The following TNS3 variants were observed in gnomAD, a reference collection of about 807,000 sequenced individuals.
TNS3 encodes the protein tensin 3.
In TNS3, 45 loss-of-function variants were observed where a neutral mutation model predicts 140.9. The ratio of observed to expected loss-of-function variants is 0.32; its 90% CI spans 0.25 to 0.41. TNS3 has a LOEUF of 0.41. TNS3 is among the 10% of genes least tolerant of loss of function. The pLI is 1.00. For synonymous variants in TNS3, 815 were observed against 788.4 expected, an observed-to-expected ratio of 1.03 and a Z score of -0.56; for missense variants, 1,716 against 1,906.7, an observed-to-expected ratio of 0.90 and a Z score of 1.86.
Position 47,340,585 on chromosome 7 carries a change from C to CTTTTTTTTTTTTCT in TNS3, c.2650+4169_2650+4170insAGAAAAAAAAAAAA, listed in dbSNP as rs1554297322. ...TGTTCCCTGGGATTTTCTTTTTTTT[C>CTTTTTTTTTTTTCT]TTTTTTTTTTTTTTGAGACAGAGTC... On this transcript the variant is annotated intron_variant, in intron 20 of 30. Transcript: ENST00000311160. Among the ~76,000 whole-genome samples the CTTTTTTTTTTTTCT allele has an allele frequency of 5.8e-3, 783 of 134,822 alleles. 24 individuals are homozygous for CTTTTTTTTTTTTCT. The highest frequency in any genetic ancestry group is 9.2e-3 in the Non-Finnish European group (571 of 62,382). 88.4% of individuals were successfully genotyped at this position (134,822 alleles called of 152,430 possible).
intron 3 of TNS3, among the ~76,000 whole-genome samples, chr7:47,487,001 G>A (rs1383587728): frequency 1.3e-5 from 2 of 152,120 alleles, no homozygotes; most frequent in Non-Finnish European, 2.9e-5. Context: ...GAAACATGAA[G>A]TAAGGACTGA....
In TNS3 at chr7:47,433,325, T is replaced by C. The variant is rs148496258; in HGVS notation, c.324+1957A>G. Among the ~76,000 whole-genome samples, 1,202 of 152,326 alleles carry C rather than the reference T, an allele frequency of 7.9e-3. 12 individuals are homozygous for C. Among genetic ancestry groups the C allele is most frequent in the South Asian group, 0.042 (201 of 4,822 alleles). The stretch of plus-strand genomic sequence containing the variant: ...ATTTCAAATTAAAAGAGGGCTTATC[T>C]CTCAGGGCACAATTTCTAAGCGTTT... On this transcript the variant is annotated intron_variant, in intron 8 of 30. Coordinates refer to ENST00000311160, the MANE Select transcript of TNS3 (RefSeq NM_022748.12).
chr7:47,454,284 C>A (rs1021298799), intron 4 of TNS3, among the ~76,000 whole-genome samples: 1 of 152,212 alleles, frequency 6.6e-6, no homozygotes, highest in South Asian at 2.1e-4. Flanking sequence ...ACCTGCCCAC[C>A]ATTTGGCAGG....
chr7:47,303,765 T>C (rs960666411), intron 21 of TNS3, among the ~76,000 whole-genome samples, 181 bp from the exon 22 acceptor site: 2 of 152,222 alleles, frequency 1.3e-5, no homozygotes, highest in Non-Finnish European at 2.9e-5. Flanking sequence ...TCACGCTGCC[T>C]GCCTTTCAAG....
In TNS3 at chr7:47,359,689, A is replaced by G. The variant is rs568169497; in HGVS notation, c.2281+8676T>C. ...CTTTATTGTGAATTACTTTCTTTTT[A>G]TTTTTCCTTTGACATGAGTGTTAGG... On this transcript the variant is annotated intron_variant, in intron 17 of 30. Coordinates refer to ENST00000311160, the MANE Select transcript of TNS3 (RefSeq NM_022748.12). Among the ~76,000 whole-genome samples the G allele has an allele frequency of 1.1e-4, 17 of 151,976 alleles. No homozygotes were observed. The South Asian group carries it at 3.1e-3, about 28-fold the overall frequency.
chr7:47,428,423 A>G, intron 8 of TNS3, 47 bp from the exon 9 acceptor site: 1 of 1,331,918 alleles, frequency 7.5e-7, no homozygotes. Flanking sequence ...ATCCCACAGC[A>G]GAGATGTAAT....
In TNS3 at chr7:47,546,360, T is replaced by C. The variant is rs180708441; in HGVS notation, c.-264-17213A>G. On this transcript the variant is annotated intron_variant, in intron 1 of 30. Transcript: ENST00000311160. The stretch of plus-strand genomic sequence containing the variant: ...CACAGCAGCACTGCTGTTCCGGAGC[T>C]GGACTGAGCTCCCAGGACCTGCCGT... 5.1e-3 allele frequency among the ~76,000 whole-genome samples: 775 copies of C among 152,282 alleles called. 6 individuals are homozygous for C. The highest frequency in any genetic ancestry group is 0.018 in the African/African-American group (735 of 41,554).
chr7:47,501,349 C>A (rs557211773), intron 3 of TNS3, among the ~76,000 whole-genome samples: 1 of 152,146 alleles, frequency 6.6e-6, no homozygotes, highest in Admixed American at 6.5e-5. Context: ...GCTGACACCC[C>A]AACCTTAAAA....
chr7:47,579,903 G>C, intron 1 of TNS3: 1 of 963,984 alleles, frequency 1.0e-6, no homozygotes, highest in Non-Finnish European at 1.2e-6. Flanking sequence ...CTCCTGCAGT[G>C]GAAGAGCATA....
intron 20 of TNS3, among the ~76,000 whole-genome samples, chr7:47,326,076 T>C (rs960295522): frequency 2.0e-5 from 3 of 152,186 alleles, no homozygotes; most frequent in Admixed American, 6.5e-5. Context: ...AGCTTTTAAA[T>C]CACACAGCTC....
intron 30 of TNS3, 153 bp downstream of exon 30, chr7:47,280,011 T>A: frequency 1.1e-6 from 1 of 879,978 alleles, no homozygotes. Flanking sequence ...TTGTCCATAA[T>A]GAGAACACTT....
At chr7:47,449,700 C>T (rs537933239) in intron 4 of TNS3, among the ~76,000 whole-genome samples, 11 of 152,224 alleles carry the variant, frequency 7.2e-5, no homozygotes, top group East Asian at 1.9e-4. Flanking sequence ...CTCCATCTGC[C>T]GGGTTCAAGT....
At chr7:47,544,137 C>G (rs1466187822) in intron 1 of TNS3, among the ~76,000 whole-genome samples, 1 of 152,120 alleles carries the variant, frequency 6.6e-6, no homozygotes, top group African/African-American at 2.4e-5. Flanking sequence ...TCTCCCCAGC[C>G]CCCTCCAGCT....
At chr7:47,287,319 T>TA (rs1477636679) in intron 27 of TNS3, among the ~76,000 whole-genome samples, 3 of 152,142 alleles carry the variant, frequency 2.0e-5, no homozygotes, top group Non-Finnish European at 4.4e-5. Context: ...CCTTAATATT[T>TA]AAAAAAAGGG....
At chr7:47,280,853 C>T (rs1210044439) in intron 28 of TNS3, among the ~76,000 whole-genome samples, 1 of 151,808 alleles carries the variant, frequency 6.6e-6, no homozygotes, top group African/African-American at 2.4e-5. Flanking sequence ...GCAGAGGTTG[C>T]AGTGGGCTGA....
chr7:47,480,796 G>A (rs571711718), intron 4 of TNS3, among the ~76,000 whole-genome samples: 7 of 152,320 alleles, frequency 4.6e-5, no homozygotes, highest in South Asian at 2.1e-4. Flanking sequence ...ACAGACTTGT[G>A]CTGTCTTCAC....
At chr7:47,289,537 C>T (rs373488870) in intron 27 of TNS3, among the ~76,000 whole-genome samples, 6 of 152,194 alleles carry the variant, frequency 3.9e-5, no homozygotes, top group South Asian at 4.2e-4. Flanking sequence ...AACTAGTAAG[C>T]GATTACAGAA....
chr7:47,457,255 T>C (rs1032164995), intron 4 of TNS3, among the ~76,000 whole-genome samples: 2 of 151,622 alleles, frequency 1.3e-5, no homozygotes, highest in Non-Finnish European at 2.9e-5. Flanking sequence ...ACTGCCACCA[T>C]GGTTCATTCT....
chr7:47,340,111 ATATATTTTT>A (rs1181628056), intron 20 of TNS3, among the ~76,000 whole-genome samples: 3 of 42,328 alleles, frequency 7.1e-5, no homozygotes, highest in Admixed American at 3.0e-4. Flanking sequence ...ATATATATAT[ATATATTTTT>A]TTTTTTTTTT....
Sources: gnomAD v4.1 joint callset for allele counts (sites outside exome capture counted in the v4.1 genomes callset) on GRCh38, gnomAD v4.1.1 for gene constraint, MANE v1.5 for transcripts, NCBI Gene and HGNC (gene_info 2026-07-23, HGNC 2026-07-21) for gene names.